Variants in PNPLA2 observed in about 807,000 individuals in gnomAD.
The protein encoded by PNPLA2 is patatin like domain 2, triacylglycerol lipase.
Under a neutral mutation model 39.7 loss-of-function variants are expected in PNPLA2, and 28 were observed. The ratio of observed to expected loss-of-function variants is 0.70; its 90% CI spans 0.52 to 0.97. The LOEUF (loss-of-function observed/expected upper bound fraction) is 0.97, where lower values mean the gene tolerates loss of function less well. PNPLA2 is among the 50% of genes least tolerant of loss of function. The pLI, the probability that PNPLA2 is intolerant of heterozygous loss-of-function variation, is 0.00. For missense variants in PNPLA2, 768 were observed against 698.2 expected (o/e 1.10, Z -1.13); for synonymous variants, 392 against 321.1 (o/e 1.22, Z -2.36).
chr11:824,519 G>A lies in PNPLA2; in HGVS notation c.1176-4G>A. 1 of 1,546,924 alleles carries A rather than the reference G, an allele frequency of 6.5e-7. No homozygotes were observed. Among genetic ancestry groups the A allele is most frequent in the Non-Finnish European group, 8.7e-7 (1 of 1,148,454 alleles). On this transcript the variant is annotated splice_region_variant and splice_polypyrimidine_tract_variant and intron_variant, in intron 9 of 9. Coordinates refer to ENST00000336615, the MANE Select transcript of PNPLA2 (RefSeq NM_020376.4). ...GCCCTCCCTGCCGCATCCCTGCCCCGCAGGCTGCCGGAGCAGGTGGAGCTG... is the reference window on the plus strand; with the variant it reads ...GCCCTCCCTGCCGCATCCCTGCCCCACAGGCTGCCGGAGCAGGTGGAGCTG...
chr11:821,554 C>G, intron 2 of PNPLA2, 74 bp from the exon 3 acceptor site: 1 of 1,049,092 alleles, frequency 9.5e-7, no homozygotes, highest in Non-Finnish European at 1.5e-6. Flanking sequence ...GAACCCTGGA[C>G]ATGGGGCTAT....
At chr11:820,030 C>G in intron 2 of PNPLA2, 125 bp downstream of exon 2, 2 of 664,240 alleles carry the variant, frequency 3.0e-6, no homozygotes, top group South Asian at 8.4e-5. Context: ...GGTTCCGGTC[C>G]GCGCCTGGGG....
rs1275619421 is a variant in PNPLA2, at chr11:824,418, G to A, written c.1157G>A (p.Gly386Asp). The stretch of plus-strand genomic sequence containing the variant: ...GTGATGCGCGCCAAGAGGAAGCTGG[G>A]CAGGCACCTGCCCTCCAGGTGAGCC... ...YLVMRAKRKL[G>D]RHLPSRLPEQ... Residue 386 changes from glycine to aspartate, a missense_variant, in exon 9 of 10, where the codon GGC becomes GAC. Coordinates refer to ENST00000336615, the MANE Select transcript of PNPLA2 (RefSeq NM_020376.4). 1.3e-6 allele frequency: 2 copies of A among 1,554,596 alleles called. No individual in the cohort carries two copies. The highest frequency in any genetic ancestry group is 1.7e-6 in the Non-Finnish European group (2 of 1,149,618).
intron 6 of PNPLA2, 49 bp downstream of exon 6, chr11:823,636 C>T: frequency 6.2e-7 from 1 of 1,600,944 alleles, no homozygotes; most frequent in Non-Finnish European, 8.5e-7. Flanking sequence ...GCTCTGCTAC[C>T]CCCTGCGGGC....
chr11:820,263 C>T (rs1429858502), intron 2 of PNPLA2, among the ~76,000 whole-genome samples: 1 of 152,230 alleles, frequency 6.6e-6, no homozygotes, highest in Non-Finnish European at 1.5e-5. Context: ...CAACCGGTGC[C>T]AGCGATCGGT....
Position 824,775 on chromosome 11 carries a change from C to G in PNPLA2, c.1428C>G (p.Ser476=), listed in dbSNP as rs1344983619. ...CTCCCGCCCCCGCGGACCCAGCATC[C>G]CCGCAGCACCAGCTGGCCGGGCCTG... is the stretch of plus-strand genomic sequence containing the variant. ...DPAPAPADPA[S]PQHQLAGPAP... Residue 476 remains serine (S), a synonymous_variant, in exon 10 of 10, where the codon TCC becomes TCG. Coordinates refer to ENST00000336615, the MANE Select transcript of PNPLA2 (RefSeq NM_020376.4). The G allele has an allele frequency of 6.5e-7, 1 of 1,542,308 alleles. No homozygotes were observed. Among genetic ancestry groups the G allele is most frequent in the African/African-American group, 1.4e-5 (1 of 73,224 alleles).
At chr11:819,991 C>T in intron 2 of PNPLA2, 86 bp downstream of exon 2, 7 of 1,063,532 alleles carry the variant, frequency 6.6e-6, no homozygotes, top group Non-Finnish European at 8.6e-6. Flanking sequence ...GGAGGGGCCC[C>T]GCGGCGAGTC....
chr11:825,069 C>T lies in PNPLA2; in HGVS notation c.*207C>T, dbSNP rs1845845698. The T allele has an allele frequency of 1.7e-6, 1 of 602,154 alleles. No homozygotes were observed. Among genetic ancestry groups the T allele is most frequent in the Non-Finnish European group, 3.0e-6 (1 of 337,392 alleles). The allele number at this position is 602,154 out of a possible 1,614,324, so 37.3% of individuals were successfully genotyped here. On this transcript the variant is annotated 3_prime_UTR_variant, in exon 10 of 10. Transcript: ENST00000336615. ...CGCACCTGTGCCTTAATCTTCCCTCCCCTGTGCTGCCCGAGCACCTCCCCC... is the reference window on the plus strand; with the variant it reads ...CGCACCTGTGCCTTAATCTTCCCTCTCCTGTGCTGCCCGAGCACCTCCCCC...
chr11:821,899 G>A (rs781161859), intron 3 of PNPLA2, 39 bp downstream of exon 3: 1 of 1,609,892 alleles, frequency 6.2e-7, no homozygotes, highest in South Asian at 1.1e-5. Context: ...GCGGTGGGGG[G>A]GGCAGTGGGA....
Position 825,222 on chromosome 11 carries a change from C to T in PNPLA2, c.*360C>T, listed in dbSNP as rs1317485597. 2 of 373,622 alleles carry T rather than the reference C, an allele frequency of 5.4e-6. No homozygotes were observed. Among genetic ancestry groups the T allele is most frequent in the African/African-American group, 2.2e-5 (1 of 45,482 alleles). 23.1% of individuals were successfully genotyped at this position (373,622 alleles called of 1,614,324 possible). ...TGTAATAAATGCTGCAGCCCAGCCT[C>T]TGCCCACTTTGTGTGTATGTGACCG... On this transcript the variant is annotated 3_prime_UTR_variant, in exon 10 of 10. Transcript: ENST00000336615.
rs1375782889 is a variant in PNPLA2, at chr11:819,722, T to C, written c.4T>C (p.Phe2Leu). 3 of 1,487,016 alleles carry C rather than the reference T, an allele frequency of 2.0e-6. No individual in the cohort carries two copies. Among genetic ancestry groups the C allele is most frequent in the East Asian group, 3.0e-5 (1 of 33,828 alleles). The allele number at this position is 1,487,016 out of a possible 1,614,324, so 92.1% of individuals were successfully genotyped here. A position where few individuals can be genotyped will look rare whatever the true frequency, so the allele number is the denominator to read the frequency against. ...GGGCCCGGCGGCCGCCGCCGCGATG[T>C]TTCCCCGCGAGAAGACGTGGAACAT... M[F>L]PREKTWNISF... Residue 2 changes from phenylalanine (F) to leucine (L), a missense_variant, in exon 2 of 10, where the codon TTT (phenylalanine) becomes CTT (leucine). Physicochemically the swap from Phe to Leu is conservative, Grantham distance 22. Transcript: ENST00000336615.
Position 819,589 on chromosome 11 carries a change from C to T in PNPLA2, c.-130C>T, listed in dbSNP as rs1033180155. On this transcript the variant is annotated 5_prime_UTR_variant, in exon 2 of 10. Coordinates refer to ENST00000336615, the MANE Select transcript of PNPLA2 (RefSeq NM_020376.4). ...GCCCGCGTAGCTTCTTCGCCTCCGC[C>T]AGCGGGGACCCCGAGCTAGAGCCGC... 1.6e-6 allele frequency: 2 copies of T among 1,275,286 alleles called. No homozygotes were observed. The highest frequency in any genetic ancestry group is 2.0e-6 in the Non-Finnish European group (2 of 999,720). The allele number at this position is 1,275,286 out of a possible 1,614,324, so 79.0% of individuals were successfully genotyped here.
intron 5 of PNPLA2, among the ~76,000 whole-genome samples, chr11:822,855 C>T (rs1264095920): frequency 1.2e-4 from 18 of 144,772 alleles, no homozygotes; most frequent in Non-Finnish European, 2.2e-4. Context: ...GACGGAGTCT[C>T]GCTCTGTTGC....
rs1845811154 is a variant in PNPLA2 at position 824,553 on chromosome 11, C to G, written c.1206C>G (p.Val402=). 6.4e-7 allele frequency: 1 copy of G among 1,560,168 alleles called. No individual in the cohort carries two copies. The highest frequency in any genetic ancestry group is 8.6e-7 in the Non-Finnish European group (1 of 1,156,824). Residue 402 remains valine, a synonymous_variant, in exon 10 of 10, where the codon GTC becomes GTG. Transcript: ENST00000336615. ...RLPEQVELRR[V]QSLPSVPLSC... The stretch of plus-strand genomic sequence containing the variant: ...CGGAGCAGGTGGAGCTGCGCCGCGT[C>G]CAGTCGCTGCCGTCCGTGCCGCTGT...
chr11:824,823 T>G lies in PNPLA2; in HGVS notation c.1476T>G (p.Ala492=). ...CTGCCCCCTTGCTGAGCACCCCTGCTCCCGAGGCCCGGCCCGTGATCGGGG... is the reference window on the plus strand; with the variant it reads ...CTGCCCCCTTGCTGAGCACCCCTGCGCCCGAGGCCCGGCCCGTGATCGGGG... ...AGPAPLLSTP[A]PEARPVIGAL... is the part of the protein sequence containing the mutation. The change falls in exon 10 of 10, where the codon GCT becomes GCG. Residue 492 remains alanine, a synonymous_variant. Transcript: ENST00000336615. 2.0e-6 allele frequency: 3 copies of G among 1,534,852 alleles called. No homozygotes were observed. The highest frequency in any genetic ancestry group is 2.4e-5 in the South Asian group (2 of 84,054).
intron 5 of PNPLA2, 53 bp downstream of exon 5, chr11:822,659 C>T: frequency 7.2e-7 from 1 of 1,390,186 alleles, no homozygotes; most frequent in Non-Finnish European, 1.0e-6. Context: ...CACTGGGCAC[C>T]AAGGGAGAAC....
At chr11:822,068 G>T in intron 4 of PNPLA2, 45 bp downstream of exon 4, 1 of 1,574,714 alleles carries the variant, frequency 6.4e-7, no homozygotes, top group South Asian at 1.1e-5. Flanking sequence ...GTGGGCCGTG[G>T]GATGAGGGAC....
At position 821,842 on chromosome 11, in the gene PNPLA2, C is replaced by T; in HGVS notation, c.402C>T (p.Ser134=). The T allele has an allele frequency of 1.2e-6, 2 of 1,613,878 alleles. No homozygotes were observed. ...ATGTCATTATATCCCACTTCAACTC[C>T]AAGGACGAGCTCATCCAGGTGGGGC... ...GENVIISHFN[S]KDELIQANVC... is the part of the protein sequence containing the mutation. Residue 134 remains serine, a synonymous_variant, in exon 3 of 10, where the codon TCC becomes TCT. Coordinates refer to ENST00000336615, the MANE Select transcript of PNPLA2 (RefSeq NM_020376.4).
In PNPLA2 at chr11:824,014, C is replaced by T. The variant is rs2133850053; in HGVS notation, c.936C>T (p.Cys312=). 1.9e-6 allele frequency: 3 copies of T among 1,608,800 alleles called. No individual in the cohort carries two copies. The highest frequency in any genetic ancestry group is 2.2e-5 in the East Asian group (1 of 44,728). ...ARLNEALLEA[C]VEPTDLLTTL... is the part of the protein sequence containing the mutation. ...CACCCGCAGCCCTGCTGGAGGCCTG[C>T]GTGGAGCCCACGGACCTGCTGACCA... The change falls in exon 8 of 10, where the codon TGC becomes TGT. Residue 312 remains cysteine (C), a synonymous_variant. Coordinates refer to ENST00000336615, the MANE Select transcript of PNPLA2 (RefSeq NM_020376.4).
Sources: gnomAD v4.1 joint callset for allele counts (sites outside exome capture counted in the v4.1 genomes callset) on GRCh38, gnomAD v4.1.1 for gene constraint, MANE v1.5 for transcripts, NCBI Gene and HGNC (gene_info 2026-07-23, HGNC 2026-07-21) for gene names.